RGPD3: variants seen among roughly 807,000 people sequenced by gnomAD.
The protein encoded by RGPD3 is ranBP2-like and GRIP domain-containing protein 3.
RGPD3 carries 62 observed loss-of-function variants against 154.5 expected under a neutral mutation model. The ratio of observed to expected loss-of-function variants is 0.40; its 90% CI spans 0.33 to 0.50. The LOEUF (loss-of-function observed/expected upper bound fraction) is 0.50. Ranked by LOEUF, RGPD3 falls within the 20% of genes least tolerant of loss-of-function variation. The pLI is 0.59. For synonymous variants in RGPD3, 308 were observed against 607.0 expected, an observed-to-expected ratio of 0.51 and a Z score of 7.24; for missense variants, 919 against 1,716.8, an observed-to-expected ratio of 0.54 and a Z score of 8.21.
chr2:106,414,652 A>C (rs1354524192), intron 21 of RGPD3, among the ~76,000 whole-genome samples: 3 of 151,456 alleles, frequency 2.0e-5, no homozygotes, highest in Non-Finnish European at 4.4e-5. Flanking sequence ...CATTTAAATA[A>C]GTCATTTAGG....
At chr2:106,438,543 A>G (rs1677646519) in intron 9 of RGPD3, among the ~76,000 whole-genome samples, 2 of 150,332 alleles carry the variant, frequency 1.3e-5, no homozygotes, top group Non-Finnish European at 3.0e-5. Flanking sequence ...GCACTTTGGG[A>G]GGCCAAGGCA....
intron 17 of RGPD3, among the ~76,000 whole-genome samples, chr2:106,430,225 A>T (rs1445108421): frequency 6.6e-6 from 1 of 151,546 alleles, no homozygotes; most frequent in Non-Finnish European, 1.5e-5. Flanking sequence ...AATGAGTTCT[A>T]GGTACCTGGT....
chr2:106,466,397 GCGCGCCAGGGAGCAGCGCC>G (rs1678592975), intron 1 of RGPD3, among the ~76,000 whole-genome samples: 1 of 145,886 alleles, frequency 6.9e-6, no homozygotes, highest in Non-Finnish European at 1.5e-5. Flanking sequence ...CCTCAACAGA[GCGCGCCAGGGAGCAGCGCC>G]CGTCGGGAGC....
Position 106,441,374 on chromosome 2 carries a change from T to G in RGPD3, c.985A>C (p.Arg329=). 6.6e-7 allele frequency: 1 copy of G among 1,505,212 alleles called. No individual in the cohort carries two copies. The highest frequency in any genetic ancestry group is 8.9e-7 in the Non-Finnish European group (1 of 1,118,238). 93.2% of individuals were successfully genotyped at this position (1,505,212 alleles called of 1,614,324 possible). ...LCYLIAFQVP[R]PKIKLIKGEA... ...CCTTTTATTAATTTAATCTTTGGTC[T>G]TGGAACCTAATAATTTTAGAATCAA... The change falls in exon 8 of 23, where the codon AGA becomes CGA. Residue 329 remains arginine (R), a synonymous_variant. Transcript: ENST00000409886.
At chr2:106,415,533 C>A (rs1257658661) in intron 21 of RGPD3, among the ~76,000 whole-genome samples, 2 of 150,902 alleles carry the variant, frequency 1.3e-5, no homozygotes, top group African/African-American at 4.9e-5. Flanking sequence ...AGAAATTAGC[C>A]AGGCATGTTG....
At chr2:106,426,351 A>G (rs1259809715) in intron 18 of RGPD3, among the ~76,000 whole-genome samples, 1 of 151,496 alleles carries the variant, frequency 6.6e-6, no homozygotes, top group Admixed American at 6.6e-5. Context: ...TTAAAAAAGG[A>G]ATAAAGAAGA....
chr2:106,442,085 G>A (rs1677765957), intron 7 of RGPD3, among the ~76,000 whole-genome samples: 2 of 108,624 alleles, frequency 1.8e-5, no homozygotes, highest in Admixed American at 1.1e-4. Context: ...AGGAGGCTGA[G>A]GCAGGAGGAT....
intron 9 of RGPD3, among the ~76,000 whole-genome samples, chr2:106,437,492 A>G (rs1376856431): frequency 6.6e-6 from 1 of 152,150 alleles, no homozygotes; most frequent in African/African-American, 2.4e-5. Context: ...AGCCTGGGTG[A>G]CAGAGCGAGA....
At chr2:106,450,885 A>C (rs1054205501) in intron 6 of RGPD3, among the ~76,000 whole-genome samples, 1 of 111,768 alleles carries the variant, frequency 8.9e-6, no homozygotes, top group African/African-American at 3.3e-5. Context: ...CAGTCTCAAA[A>C]AAAAAAGAGA....
intron 1 of RGPD3, among the ~76,000 whole-genome samples, chr2:106,461,916 C>CT (rs1283224034): frequency 2.0e-4 from 30 of 151,932 alleles, no homozygotes; most frequent in African/African-American, 6.5e-4. Flanking sequence ...TTGTTCCCCC[C>CT]TTCCTTTTTT....
At chr2:106,442,434 G>A (rs1343383685) in intron 7 of RGPD3, among the ~76,000 whole-genome samples, 1 of 131,638 alleles carries the variant, frequency 7.6e-6, no homozygotes, top group Admixed American at 7.6e-5. Flanking sequence ...TGGATAATAG[G>A]GGATAGCACT....
intron 7 of RGPD3, among the ~76,000 whole-genome samples, chr2:106,441,961 A>G (rs1677759269): frequency 7.2e-6 from 1 of 138,480 alleles, no homozygotes; most frequent in Non-Finnish European, 1.5e-5. Context: ...TGGGGGGATC[A>G]CTTGAGCCCA....
chr2:106,425,058 A>G lies in RGPD3; in HGVS notation c.2909T>C (p.Phe970Ser), dbSNP rs1462238823. ...TGATTTTGCAACATCTGCAAATGTA[A>G]AAGTGCTACTTGTTTGGCCAAAAAT... ...GVIFGQTSST[F>S]TFADVAKSTS... Residue 970 changes from phenylalanine (F) to serine (S), a missense_variant, in exon 20 of 23, where the codon TTT (phenylalanine) becomes TCT (serine). Coordinates refer to ENST00000409886, the MANE Select transcript of RGPD3 (RefSeq NM_001144013.2). 15 of 1,611,842 alleles carry G rather than the reference A, an allele frequency of 9.3e-6. No homozygotes were observed. Among genetic ancestry groups the G allele is most frequent in the South Asian group, 6.6e-5 (6 of 90,992 alleles).
chr2:106,414,496 C>G (rs1237384839), intron 21 of RGPD3, among the ~76,000 whole-genome samples: 2 of 147,546 alleles, frequency 1.4e-5, no homozygotes, highest in Non-Finnish European at 3.0e-5. Context: ...GTGGTGCGTG[C>G]CTGCAGTCTC....
rs558732718 is a variant in RGPD3 at position 106,417,534 on chromosome 2, G to A, written c.4925-1545C>T. On this transcript the variant is annotated intron_variant, in intron 20 of 22. Transcript: ENST00000409886. The stretch of plus-strand genomic sequence containing the variant: ...CTAAAGACTGTGTGTATGTGCTGGC[G>A]GAAGACACAGACTCCGTATCAGTTG... 2.7e-5 allele frequency among the ~76,000 whole-genome samples: 4 copies of A among 149,558 alleles called. No homozygotes were observed. The South Asian group carries it at 6.4e-4, about 24-fold the overall frequency.
In RGPD3 at chr2:106,423,664, C is replaced by CA. The variant is rs780151455; in HGVS notation, c.4302dup (p.Ala1435CysfsTer15). The CA allele has an allele frequency of 6.2e-7, 1 of 1,607,968 alleles. No individual in the cohort carries two copies. The highest frequency in any genetic ancestry group is 2.2e-5 in the East Asian group (1 of 44,740). On this transcript the variant is annotated frameshift_variant, in exon 20 of 23. Transcript: ENST00000409886. LOFTEE classifies it high-confidence loss of function. The stretch of plus-strand genomic sequence containing the variant: ...TGCTCTACTTTTCTTTCTCCATCTG[C>CA]AAAATCACATGCAGTCCACACCCAT...
intron 9 of RGPD3, among the ~76,000 whole-genome samples, chr2:106,437,466 T>C (rs1174273312): frequency 6.6e-6 from 1 of 151,600 alleles, no homozygotes; most frequent in African/African-American, 2.4e-5. Context: ...GAGCCAAGAT[T>C]GCGCCACTGC....
rs1677124985 is a variant in RGPD3 at position 106,424,627 on chromosome 2, T to C, written c.3340A>G (p.Ile1114Val). 1 of 1,611,920 alleles carries C rather than the reference T, an allele frequency of 6.2e-7. No individual in the cohort carries two copies. Among genetic ancestry groups the C allele is most frequent in the South Asian group, 1.1e-5 (1 of 90,978 alleles). ...GGCTTCAGGTTCATTGTAGTCGTTA[T>C]CCAATGATTAGCACACACTTTTAGT... ...QVLKVCANHW[I>V]TTTMNLKPLS... The change falls in exon 20 of 23, where the codon ATA becomes GTA. Residue 1114 changes from isoleucine (I) to valine (V), a missense_variant. Transcript: ENST00000409886.
At chr2:106,441,863 CAAAAAAAAAA>C (rs1166971652) in intron 7 of RGPD3, among the ~76,000 whole-genome samples, 1,466 of 12,990 alleles carry the variant, frequency 0.11, 27 homozygotes, top group South Asian at 0.18. Context: ...GACTCCATCG[CAAAAAAAAAA>C]AAAAAAAAAA....
Sources: allele counts gnomAD v4.1 joint callset (sites outside exome capture counted in the v4.1 genomes callset), GRCh38; gene constraint gnomAD v4.1.1; transcripts MANE v1.5; gene names NCBI Gene and HGNC (gene_info 2026-07-23, HGNC 2026-07-21).